The following GDI2 variants were observed in gnomAD, a reference collection of about 807,000 sequenced individuals.
GDI2 encodes GDP dissociation inhibitor 2.
In GDI2, 22 loss-of-function variants were observed where a neutral mutation model predicts 54.2. The observed-to-expected ratio is 0.41, with a 90% CI of 0.29 to 0.58. The LOEUF (loss-of-function observed/expected upper bound fraction) is 0.58. Ranked by LOEUF, GDI2 falls within the 20% of genes least tolerant of loss-of-function variation. The pLI, the probability that GDI2 is intolerant of heterozygous loss-of-function variation, is 0.35. For missense variants in GDI2, 422 were observed against 546.0 expected, an observed-to-expected ratio of 0.77 and a Z score of 2.26; for synonymous variants, 177 against 182.1, an observed-to-expected ratio of 0.97 and a Z score of 0.23.
chr10:5,781,496 G>A (rs536745451), intron 6 of GDI2, among the ~76,000 whole-genome samples: 69 of 151,750 alleles, frequency 4.5e-4, no homozygotes, highest in Non-Finnish European at 7.5e-4. Flanking sequence ...GCGGTGGCAG[G>A]CGCCTGTAGT....
In GDI2 at chr10:5,768,116, A is replaced by T; in HGVS notation, c.991+97T>A. ...CCCATATGTAAACCAAGGTCTGTTC[A>T]CTAATACAGCATACAAAATTAGGAA... On this transcript the variant is annotated intron_variant, in intron 8 of 10. Coordinates refer to ENST00000380191, the MANE Select transcript of GDI2 (RefSeq NM_001494.4). This position sits in a 1 kb window ranked among gnomAD's most constrained non-coding sequence, Gnocchi z 4.4. 1.0e-6 allele frequency: 1 copy of T among 990,094 alleles called. No individual in the cohort carries two copies. Among genetic ancestry groups the T allele is most frequent in the Non-Finnish European group, 1.6e-6 (1 of 642,342 alleles). 61.3% of individuals were successfully genotyped at this position (990,094 alleles called of 1,614,324 possible). A position where few individuals can be genotyped will look rare whatever the true frequency, so the allele number is the denominator to read the frequency against.
rs1840408164 is a variant in GDI2 at position 5,768,385 on chromosome 10, C to CA, written c.820-2_820-1insT. 6.2e-7 allele frequency: 1 copy of CA among 1,605,562 alleles called. No homozygotes were observed. The highest frequency in any genetic ancestry group is 8.5e-7 in the Non-Finnish European group (1 of 1,172,444). Reference sequence around the variant, plus strand: ...AGATGAGCTGCTTACAGCGAGCAATCTATAACAAAGCATTTAAGAAGACAC... The same window carrying CA: ...AGATGAGCTGCTTACAGCGAGCAATCATATAACAAAGCATTTAAGAAGACAC... On this transcript the variant is annotated splice_acceptor_variant, in intron 7 of 10. Transcript: ENST00000380191. LOFTEE classifies it high-confidence loss of function. This position sits in a 1 kb window ranked among gnomAD's most constrained non-coding sequence, Gnocchi z 4.4.
chr10:5,785,017 T>A (rs1840841922), intron 6 of GDI2, 125 bp downstream of exon 6: 3 of 596,200 alleles, frequency 5.0e-6, no homozygotes, highest in Non-Finnish European at 8.1e-6. Flanking sequence ...TTTATTTCAA[T>A]AAAAATAAAA....
intron 1 of GDI2, among the ~76,000 whole-genome samples, chr10:5,807,211 T>C (rs1841396079): frequency 6.6e-6 from 1 of 152,206 alleles, no homozygotes; most frequent in South Asian, 2.1e-4. Flanking sequence ...TTGATAGAAT[T>C]TATCAGTCAT....
intron 2 of GDI2, among the ~76,000 whole-genome samples, chr10:5,799,601 G>A (rs1399973574): frequency 2.0e-5 from 3 of 152,068 alleles, no homozygotes; most frequent in African/African-American, 4.8e-5. Flanking sequence ...ATAGGGAGGC[G>A]AGACTGTGCC....
At chr10:5,794,315 G>C (rs1238684613) in intron 4 of GDI2, among the ~76,000 whole-genome samples, 1 of 146,766 alleles carries the variant, frequency 6.8e-6, no homozygotes, top group East Asian at 2.0e-4. Flanking sequence ...ATCAGAATGA[G>C]TACTTCTCCT....
intron 6 of GDI2, 30 bp downstream of exon 6, chr10:5,785,111 GA>G (rs1564393000): frequency 6.6e-7 from 1 of 1,511,246 alleles, no homozygotes; most frequent in East Asian, 2.3e-5. Flanking sequence ...TGAGGTTTTG[GA>G]TCACTGAGGT....
chr10:5,812,652 A>G (rs1841501360), intron 1 of GDI2, among the ~76,000 whole-genome samples: 1 of 152,200 alleles, frequency 6.6e-6, no homozygotes, highest in South Asian at 2.1e-4. Context: ...AAAGGATTAA[A>G]AGACTAATTT....
intron 6 of GDI2, among the ~76,000 whole-genome samples, chr10:5,780,132 C>T (rs1840719129): frequency 6.6e-6 from 1 of 151,526 alleles, no homozygotes; most frequent in Admixed American, 6.6e-5. Flanking sequence ...TCCCTTTAGC[C>T]CAGGAGGCAG....
intron 1 of GDI2, among the ~76,000 whole-genome samples, chr10:5,804,831 G>A (rs1016589828): frequency 2.1e-5 from 3 of 146,204 alleles, no homozygotes; most frequent in African/African-American, 7.5e-5. Flanking sequence ...ACTATCTGGA[G>A]CTTTTTTTTT....
chr10:5,767,451 C>T (rs1840374384), intron 8 of GDI2, among the ~76,000 whole-genome samples: 1 of 152,102 alleles, frequency 6.6e-6, no homozygotes, highest in Non-Finnish European at 1.5e-5. Flanking sequence ...GTAGCTAGGA[C>T]TACAGGTGTG....
At chr10:5,803,560 A>G (rs1364864282) in intron 1 of GDI2, among the ~76,000 whole-genome samples, 1 of 152,262 alleles carries the variant, frequency 6.6e-6, no homozygotes, top group Non-Finnish European at 1.5e-5. Context: ...CTTTATAAAC[A>G]AAAGCTCAAG....
intron 2 of GDI2, among the ~76,000 whole-genome samples, chr10:5,797,135 C>T (rs770782062): frequency 1.1e-4 from 16 of 152,260 alleles, no homozygotes; most frequent in South Asian, 4.1e-4. Flanking sequence ...CAAGGCCAGA[C>T]GCAATGGCTC....
chr10:5,768,395 G>A lies in GDI2; in HGVS notation c.820-11C>T. 6.3e-7 allele frequency: 1 copy of A among 1,588,514 alleles called. No homozygotes were observed. The highest frequency in any genetic ancestry group is 1.7e-5 in the Admixed American group (1 of 59,838). ...CTTACAGCGAGCAATCTATAACAAA[G>A]CATTTAAGAAGACACTGAAGCGGAC... On this transcript the variant is annotated splice_polypyrimidine_tract_variant and intron_variant, in intron 7 of 10. Coordinates refer to ENST00000380191, the MANE Select transcript of GDI2 (RefSeq NM_001494.4). This position sits in a 1 kb window ranked among gnomAD's most constrained non-coding sequence, Gnocchi z 4.4.
In GDI2 at chr10:5,785,092, T is replaced by C. The variant is rs201129958; in HGVS notation, c.719+50A>G. 20 of 1,342,208 alleles carry C rather than the reference T, an allele frequency of 1.5e-5. No homozygotes were observed. In the South Asian group the frequency reaches 2.6e-4, roughly 17 times the overall value. The allele number at this position is 1,342,208 out of a possible 1,614,324, so 83.1% of individuals were successfully genotyped here. On this transcript the variant is annotated intron_variant, in intron 6 of 10. Coordinates refer to ENST00000380191, the MANE Select transcript of GDI2 (RefSeq NM_001494.4). ...TAAACTATATCTCATATACACATTA[T>C]GTTGAAGATGAGGTTTTGGATCACT...
intron 1 of GDI2, among the ~76,000 whole-genome samples, chr10:5,806,907 T>G (rs1422555297): frequency 6.6e-6 from 1 of 152,148 alleles, no homozygotes; most frequent in Non-Finnish European, 1.5e-5. Context: ...TATATAACCT[T>G]TCACACTAAG....
At chr10:5,812,157 G>A (rs927908109) in intron 1 of GDI2, among the ~76,000 whole-genome samples, 6 of 149,080 alleles carry the variant, frequency 4.0e-5, no homozygotes, top group Non-Finnish European at 7.4e-5. Context: ...AAAATTGATA[G>A]TTAAAATGGT....
At chr10:5,786,647 A>G (rs894050926) in intron 4 of GDI2, among the ~76,000 whole-genome samples, 15 of 152,218 alleles carry the variant, frequency 9.9e-5, no homozygotes, top group African/African-American at 3.4e-4. Flanking sequence ...CTTACTAGGT[A>G]CAAGGTAAAT....
chr10:5,811,814 A>C (rs759701705), intron 1 of GDI2: 5 of 433,950 alleles, frequency 1.2e-5, no homozygotes, highest in Non-Finnish European at 2.2e-5. Flanking sequence ...TAATAATTGC[A>C]TATAACTATA....
Sources: allele counts gnomAD v4.1 joint callset (sites outside exome capture counted in the v4.1 genomes callset), GRCh38; gene constraint gnomAD v4.1.1; non-coding constraint Gnocchi (gnomAD v3.1); transcripts MANE v1.5; gene names NCBI Gene and HGNC (gene_info 2026-07-23, HGNC 2026-07-21).